SVOPL: variants seen among roughly 807,000 people sequenced by gnomAD.
The protein encoded by SVOPL is SVOP like.
SVOPL carries 60 observed loss-of-function variants against 61.0 expected under a neutral mutation model. That is an observed-to-expected ratio of 0.98 (90% CI 0.80 to 1.22). The LOEUF is 1.22. SVOPL is among the 50% of genes most tolerant of loss of function. The pLI, the probability that SVOPL is intolerant of heterozygous loss-of-function variation, is 0.00. For missense variants in SVOPL, 662 were observed against 643.9 expected (o/e 1.03, Z -0.30); for synonymous variants, 279 against 250.0 (o/e 1.12, Z -1.09).
At position 138,628,352 on chromosome 7, in the gene SVOPL, G is replaced by C; in HGVS notation, c.875C>G (p.Ser292Cys). ...LQIWVIWLGISFAYYGVILAS... is the reference protein window; with the variant it reads ...LQIWVIWLGICFAYYGVILAS... ...CAGGATAACCCCATAGTAGGCAAAAGAGATTCCAAGCCTGGAAGAGAGAAA... is the reference window on the plus strand; with the variant it reads ...CAGGATAACCCCATAGTAGGCAAAACAGATTCCAAGCCTGGAAGAGAGAAA... Residue 292 changes from serine to cysteine, a missense_variant, in exon 11 of 16, where the codon TCT (serine) becomes TGT (cysteine). Coordinates refer to ENST00000674285, the MANE Select transcript of SVOPL (RefSeq NM_001139456.2). The C allele has an allele frequency of 1.2e-6, 2 of 1,614,038 alleles. No individual in the cohort carries two copies. The highest frequency in any genetic ancestry group is 8.5e-7 in the Non-Finnish European group (1 of 1,180,026).
intron 2 of SVOPL, 112 bp from the exon 3 acceptor site, chr7:138,678,637 G>T: frequency 9.4e-7 from 1 of 1,060,802 alleles, no homozygotes; most frequent in Non-Finnish European, 1.4e-6. Context: ...TAATACGGGG[G>T]GTCAGTGGTA....
chr7:138,666,373 A>G (rs1485074817), intron 4 of SVOPL, among the ~76,000 whole-genome samples: 2 of 152,240 alleles, frequency 1.3e-5, no homozygotes, highest in Non-Finnish European at 2.9e-5. Context: ...ACTTTATTAC[A>G]AGTCTAAGTA....
intron 7 of SVOPL, among the ~76,000 whole-genome samples, chr7:138,654,982 G>T (rs1163883868): frequency 6.6e-6 from 1 of 151,444 alleles, no homozygotes; most frequent in Non-Finnish European, 1.5e-5. Context: ...CTTGAGCTTA[G>T]GAGTTCGAGA....
chr7:138,671,986 G>GA, intron 4 of SVOPL, 33 bp downstream of exon 4: 1 of 1,544,516 alleles, frequency 6.5e-7, no homozygotes, highest in Non-Finnish European at 8.8e-7. Context: ...GCCCTCAGTT[G>GA]CTGTGTTCAC....
At chr7:138,649,530 C>T (rs993653202) in intron 7 of SVOPL, among the ~76,000 whole-genome samples, 10 of 152,110 alleles carry the variant, frequency 6.6e-5, no homozygotes, top group African/African-American at 1.9e-4. Flanking sequence ...CTCCTGACCT[C>T]AAATGATCCA....
chr7:138,652,785 C>T (rs575594523), intron 7 of SVOPL, among the ~76,000 whole-genome samples: 60 of 152,086 alleles, frequency 3.9e-4, no homozygotes, highest in African/African-American at 1.3e-3. Context: ...CCACCACACC[C>T]GACTAATTTT....
intron 1 of SVOPL, among the ~76,000 whole-genome samples, chr7:138,685,329 A>C (rs1394696978): frequency 1.3e-5 from 2 of 152,224 alleles, no homozygotes; most frequent in Non-Finnish European, 2.9e-5. Flanking sequence ...TAAACAAGCC[A>C]GGCACAGAAT....
intron 13 of SVOPL, among the ~76,000 whole-genome samples, chr7:138,622,166 GTATCTATCTGTCTATGTATCTATC>G (rs1563096454): frequency 1.1e-4 from 4 of 35,240 alleles, no homozygotes; most frequent in African/African-American, 4.1e-4. Flanking sequence ...ATCTGTCTAT[GTATCTATCTGTCTATGTATCTATC>G]TATCTATCTA....
chr7:138,598,384 G>A (rs1361566998), intron 14 of SVOPL, among the ~76,000 whole-genome samples: 1 of 152,102 alleles, frequency 6.6e-6, no homozygotes, highest in African/African-American at 2.4e-5. Context: ...ACAAATAGTT[G>A]GAGACTTTAA....
intron 1 of SVOPL, among the ~76,000 whole-genome samples, chr7:138,686,334 G>T (rs573742178): frequency 1.3e-5 from 2 of 151,194 alleles, no homozygotes; most frequent in African/African-American, 4.9e-5. Flanking sequence ...ACCCCGGGGG[G>T]GGCGGAGGTT....
At chr7:138,672,641 G>GTT (rs11462058) in intron 3 of SVOPL, among the ~76,000 whole-genome samples, 154 of 104,348 alleles carry the variant, frequency 1.5e-3, no homozygotes, top group Middle Eastern at 5.1e-3. Context: ...GCAGGAAAGT[G>GTT]TTTTTTTTTG....
At chr7:138,594,702 G>A in intron 15 of SVOPL, 81 bp from the exon 16 acceptor site, 2 of 1,000,668 alleles carry the variant, frequency 2.0e-6, no homozygotes, top group Non-Finnish European at 2.8e-6. Flanking sequence ...TGATATTTTA[G>A]TAATAGAAGA....
At chr7:138,658,382 A>G (rs968772527) in intron 6 of SVOPL, among the ~76,000 whole-genome samples, 1 of 152,188 alleles carries the variant, frequency 6.6e-6, no homozygotes, top group Admixed American at 6.5e-5. Context: ...TGGTCAAACT[A>G]AACTCTTCCA....
intron 2 of SVOPL, 67 bp from the exon 3 acceptor site, chr7:138,678,592 C>T (rs1802630414): frequency 2.1e-6 from 3 of 1,446,880 alleles, no homozygotes; most frequent in African/African-American, 1.4e-5. Flanking sequence ...GGACTATCAG[C>T]TTCAGAAAGC....
intron 13 of SVOPL, among the ~76,000 whole-genome samples, chr7:138,622,290 C>CTATCTATCTATCTATCTATCTATGTATG (rs1799700125): frequency 9.4e-6 from 1 of 106,582 alleles, no homozygotes; most frequent in African/African-American, 3.3e-5. Flanking sequence ...ATCTATCTAT[C>CTATCTATCTATCTATCTATCTATGTATG]TATCTATCTA....
intron 8 of SVOPL, among the ~76,000 whole-genome samples, chr7:138,646,930 G>C (rs1173125473): frequency 6.6e-6 from 1 of 152,170 alleles, no homozygotes; most frequent in Non-Finnish European, 1.5e-5. Flanking sequence ...GTGATTCTCA[G>C]CAAAAGTGCA....
chr7:138,631,136 T>G (rs2116927647), intron 9 of SVOPL, among the ~76,000 whole-genome samples: 1 of 152,250 alleles, frequency 6.6e-6, no homozygotes, highest in South Asian at 2.1e-4. Flanking sequence ...GTGTCCTAGA[T>G]TTTGTTGTCA....
chr7:138,667,999 C>T (rs943520496), intron 4 of SVOPL, among the ~76,000 whole-genome samples: 7 of 152,180 alleles, frequency 4.6e-5, no homozygotes, highest in Non-Finnish European at 7.3e-5. Context: ...TTAGGAGTCA[C>T]GCAGCTGGAG....
At chr7:138,700,333 G>GCCTT (rs1803163257) in intron 1 of SVOPL, among the ~76,000 whole-genome samples, 4 of 93,646 alleles carry the variant, frequency 4.3e-5, no homozygotes, top group African/African-American at 1.6e-4. Context: ...GGTTCCGTAT[G>GCCTT]TCTTTTTTTT....
Sources: gnomAD v4.1 joint callset for allele counts (sites outside exome capture counted in the v4.1 genomes callset) on GRCh38, gnomAD v4.1.1 for gene constraint, MANE v1.5 for transcripts, NCBI Gene and HGNC (gene_info 2026-07-23, HGNC 2026-07-21) for gene names.